The following MUC12 variants were observed in gnomAD, a reference collection of about 807,000 sequenced individuals.
The protein encoded by MUC12 is mucin 12, cell surface associated.
A neutral mutation model predicts 230.8 loss-of-function variants in MUC12; 172 were observed. The ratio of observed to expected loss-of-function variants is 0.75; its 90% CI spans 0.66 to 0.85. The LOEUF (loss-of-function observed/expected upper bound fraction) is 0.85, where lower values mean the gene tolerates loss of function less well. Ranked by LOEUF, MUC12 falls within the 40% of genes least tolerant of loss-of-function variation. MUC12 has a pLI of 0.00. For synonymous variants in MUC12, 1,259 were observed against 2,401.9 expected, an observed-to-expected ratio of 0.52 and a Z score of 13.91; for missense variants, 3,506 against 5,920.6, an observed-to-expected ratio of 0.59 and a Z score of 13.38.
chr7:101,013,886 T>C, intron 8 of MUC12, 27 bp from the exon 9 acceptor site: 4 of 1,518,746 alleles, frequency 2.6e-6, no homozygotes, highest in Non-Finnish European at 3.5e-6. Context: ...TCCCAGGGGA[T>C]CAGCGTGAGC....
chr7:101,006,632 A>G, intron 3 of MUC12, 60 bp downstream of exon 3: 2 of 1,192,264 alleles, frequency 1.7e-6, no homozygotes, highest in South Asian at 1.3e-5. Flanking sequence ...TGAAAACAGC[A>G]TGGCAGTGTT....
At position 100,995,848 on chromosome 7, in the gene MUC12, C is replaced by T. The variant is rs1793472672; in HGVS notation, c.5285C>T (p.Thr1762Ile). 3.4e-6 allele frequency: 5 copies of T among 1,458,824 alleles called. No homozygotes were observed. The East Asian group carries it at 1.0e-4, about 29-fold the overall frequency. The allele number at this position is 1,458,824 out of a possible 1,614,324, so 90.4% of individuals were successfully genotyped here. The change falls in exon 2 of 12, where the codon ACC (threonine) becomes ATC (isoleucine). Residue 1762 changes from threonine (T) to isoleucine (I), a missense_variant. Physicochemically the swap from Thr to Ile is moderately conservative, Grantham distance 89 (BLOSUM62 -1). Transcript: ENST00000536621. ...ACACCCTCGCCTGCCCGCTCCACAA[C>T]CTCAGGCCTCGTTGAAGAATCTACG... is the stretch of plus-strand genomic sequence containing the variant. Reference protein sequence around the residue: ...ATTPSPARSTTSGLVEESTAY... With the variant: ...ATTPSPARSTISGLVEESTAY...
At chr7:100,975,345 G>A in intron 1 of MUC12, among the ~76,000 whole-genome samples, 1 of 152,310 alleles carries the variant, frequency 6.6e-6, no homozygotes, top group Non-Finnish European at 1.5e-5. Flanking sequence ...CTTTAGCTTA[G>A]AAAGGTGAAG....
Position 101,004,947 on chromosome 7 carries a change from C to A in MUC12, c.14384C>A (p.Thr4795Lys). 6.5e-7 allele frequency: 1 copy of A among 1,537,886 alleles called. No homozygotes were observed. Among genetic ancestry groups the A allele is most frequent in the Non-Finnish European group, 8.7e-7 (1 of 1,147,058 alleles). Reference sequence around the variant, plus strand: ...ACCTCAGGCCTCAGTCAGGAATCAACAACTTTCCACAGTAAGCCAGGCTCA... The same window carrying A: ...ACCTCAGGCCTCAGTCAGGAATCAAAAACTTTCCACAGTAAGCCAGGCTCA... ...TTTSGLSQESTTFHSKPGSTE... is the reference protein window; with the variant it reads ...TTTSGLSQESKTFHSKPGSTE... Residue 4795 changes from threonine to lysine, a missense_variant, in exon 2 of 12, where the codon ACA (threonine) becomes AAA (lysine). By Grantham distance (78) the Thr-to-Lys change is moderately conservative. Transcript: ENST00000536621.
At position 100,992,248 on chromosome 7, in the gene MUC12, C is replaced by T. The variant is rs754267146; in HGVS notation, c.1685C>T (p.Thr562Ile). 15 of 1,537,160 alleles carry T rather than the reference C, an allele frequency of 9.8e-6. No homozygotes were observed. In the South Asian group the frequency reaches 1.8e-4, roughly 18 times the overall value. ...AGCAGCCCAGGCCCCACAGACACAA[C>T]ATTGTCCCCTGGCAGTACCACAGCA... ...SHSSPGPTDT[T>I]LSPGSTTASS... Residue 562 changes from threonine to isoleucine, a missense_variant, in exon 2 of 12, where the codon ACA becomes ATA. Thr to Ile is a moderately conservative substitution (Grantham distance 89). Transcript: ENST00000536621.
In MUC12 at chr7:100,999,251, G is replaced by A. The variant is rs146028281; in HGVS notation, c.8688G>A (p.Ala2896=). The part of the protein sequence containing the change: ...HSQPGSTHTT[A]FPDSTTTSGL... Reference sequence around the variant, plus strand: ...AACCAGGCTCAACGCACACAACAGCGTTCCCTGACAGCACCACCACCTCAG... The same window carrying A: ...AACCAGGCTCAACGCACACAACAGCATTCCCTGACAGCACCACCACCTCAG... Residue 2896 remains alanine, a synonymous_variant, in exon 2 of 12, where the codon GCG becomes GCA. Transcript: ENST00000536621. 68,279 of 1,459,158 alleles carry A rather than the reference G, an allele frequency of 0.047. 22 individuals are homozygous for A. Among genetic ancestry groups the A allele is most frequent in the Admixed American group, 0.16 (7,044 of 44,728 alleles). 90.4% of individuals were successfully genotyped at this position (1,459,158 alleles called of 1,614,324 possible). A position where few individuals can be genotyped will look rare whatever the true frequency, so the allele number is the denominator to read the frequency against.
At chr7:101,012,567 G>A in intron 6 of MUC12, 120 bp downstream of exon 6, 2 of 1,232,528 alleles carry the variant, frequency 1.6e-6, no homozygotes, top group Non-Finnish European at 2.2e-6. Flanking sequence ...CAGGAACCCA[G>A]AAGCCAGGCC....
chr7:100,990,966 G>C lies in MUC12; in HGVS notation c.403G>C (p.Glu135Gln), dbSNP rs1236809116. ...CAGTACCACAACAGCAGGCCTGAGT[G>C]AGAAATCTACCACCTTCTACAGTAG... The part of the protein sequence containing the change: ...PGSTTTAGLS[E>Q]KSTTFYSSPR... The change falls in exon 2 of 12, where the codon GAG becomes CAG. Residue 135 changes from glutamate (E) to glutamine (Q), a missense_variant. Glu to Gln is a conservative substitution (Grantham distance 29, BLOSUM62 2). Coordinates refer to ENST00000536621, the MANE Select transcript of MUC12 (RefSeq NM_001164462.2). 9 of 1,537,878 alleles carry C rather than the reference G, an allele frequency of 5.9e-6. No individual in the cohort carries two copies. In the Admixed American group the frequency reaches 1.8e-4, roughly 30 times the overall value.
rs186434738 is a variant in MUC12, at chr7:100,994,116, G to A, written c.3553G>A (p.Glu1185Lys). 1,926 of 1,028,064 alleles carry A rather than the reference G, an allele frequency of 1.9e-3. 596 individuals carry two copies. In the African/African-American group the frequency reaches 0.036, roughly 19 times the overall value. 63.7% of individuals were successfully genotyped at this position (1,028,064 alleles called of 1,614,324 possible). A position where few individuals can be genotyped will look rare whatever the true frequency, so the allele number is the denominator to read the frequency against. The change falls in exon 2 of 12, where the codon GAG becomes AAG. Residue 1185 changes from glutamate to lysine, a missense_variant. Glu to Lys is a moderately conservative substitution (Grantham distance 56, BLOSUM62 1). Coordinates refer to ENST00000536621, the MANE Select transcript of MUC12 (RefSeq NM_001164462.2). ...HSTTTSVHGE[E>K]PTTFHSRPAS... The stretch of plus-strand genomic sequence containing the variant: ...CACCACAACCTCAGTTCATGGTGAA[G>A]AGCCTACAACCTTCCACAGCCGGCC...
Position 100,991,688 on chromosome 7 carries a change from A to G in MUC12, c.1125A>G (p.Glu375=). The G allele has an allele frequency of 6.5e-7, 1 of 1,537,706 alleles. No homozygotes were observed. Among genetic ancestry groups the G allele is most frequent in the South Asian group, 1.2e-5 (1 of 84,038 alleles). Residue 375 remains glutamate, a synonymous_variant, in exon 2 of 12, where the codon GAA becomes GAG. Transcript: ENST00000536621. ...PGSTQTMHFP[E]SSTTSGHSEE... ...CAACTCAAACAATGCACTTCCCTGA[A>G]AGCTCCACAACTTCAGGCCATAGTG... is the stretch of plus-strand genomic sequence containing the variant.
chr7:100,969,828 G>A, intron 1 of MUC12, 139 bp downstream of exon 1: 2 of 1,245,276 alleles, frequency 1.6e-6, no homozygotes, highest in Admixed American at 4.2e-5. Context: ...GGAGACCCGT[G>A]CTGTGACCTC....
Position 100,991,605 on chromosome 7 carries a change from C to A in MUC12, c.1042C>A (p.Arg348Ser), listed in dbSNP as rs182230578. Residue 348 changes from arginine to serine, a missense_variant, in exon 2 of 12, where the codon CGC (arginine) becomes AGC (serine). By Grantham distance (110) the Arg-to-Ser change is moderately radical (BLOSUM62 -1). Transcript: ENST00000536621. Reference sequence around the variant, plus strand: ...AACTGCAACAACACCCCCACCTGCCCGCTCCGCGACCTCAGGCCATGTTGA... The same window carrying A: ...AACTGCAACAACACCCCCACCTGCCAGCTCCGCGACCTCAGGCCATGTTGA... ...VATATTPPPA[R>S]SATSGHVEES... 5.2e-6 allele frequency: 8 copies of A among 1,536,620 alleles called. No individual in the cohort carries two copies. The East Asian group carries it at 1.5e-4, about 28-fold the overall frequency.
intron 6 of MUC12, 87 bp from the exon 7 acceptor site, chr7:101,012,732 T>C: frequency 1.4e-6 from 2 of 1,399,324 alleles, no homozygotes; most frequent in Middle Eastern, 1.7e-4. Flanking sequence ...GGGGAGGGCA[T>C]GGTATAGAAG....
chr7:101,015,841 C>A, intron 10 of MUC12, 150 bp downstream of exon 10: 1 of 678,754 alleles, frequency 1.5e-6, no homozygotes, highest in Non-Finnish European at 2.5e-6. Flanking sequence ...GCTGCAGCCC[C>A]GGACCCAGAC....
rs747071631 is a variant in MUC12, at chr7:100,995,594, C to T, written c.5031C>T (p.Ala1677=). The T allele has an allele frequency of 5.5e-5, 85 of 1,536,822 alleles. No homozygotes were observed. Among genetic ancestry groups the T allele is most frequent in the South Asian group, 3.5e-4 (29 of 84,052 alleles). The change falls in exon 2 of 12, where the codon GCC becomes GCT. Residue 1677 remains alanine, a synonymous_variant. Transcript: ENST00000536621. ...TGSPHTTLSP[A]GSTTRQGEST... Reference sequence around the variant, plus strand: ...CGCCACACACAACACTGTCCCCTGCCGGCTCTACAACACGTCAGGGAGAAT... The same window carrying T: ...CGCCACACACAACACTGTCCCCTGCTGGCTCTACAACACGTCAGGGAGAAT...
Position 100,991,334 on chromosome 7 carries a change from A to T in MUC12, c.771A>T (p.Gly257=), listed in dbSNP as rs1390977930. 1 of 1,537,584 alleles carries T rather than the reference A, an allele frequency of 6.5e-7. No homozygotes were observed. Among genetic ancestry groups the T allele is most frequent in the Non-Finnish European group, 8.7e-7 (1 of 1,146,988 alleles). The part of the protein sequence containing the change: ...EASTPVHSST[G]SPHTTLSPSS... ...CTACGCCCGTCCACAGCAGCACTGG[A>T]TCGCCACACACAACACTGTCCCCTT... The change falls in exon 2 of 12, where the codon GGA becomes GGT. Residue 257 remains glycine, a synonymous_variant. Transcript: ENST00000536621.
At chr7:101,006,160 T>A (rs555051799) in intron 2 of MUC12, among the ~76,000 whole-genome samples, 6 of 152,306 alleles carry the variant, frequency 3.9e-5, no homozygotes, top group Middle Eastern at 3.4e-3. Flanking sequence ...TTGTTTCACA[T>A]TTCCAACTCT....
At position 100,991,791 on chromosome 7, in the gene MUC12, AC is replaced by A. The variant is rs1295733221; in HGVS notation, c.1229del (p.Thr410LysfsTer103). On this transcript the variant is annotated frameshift_variant, in exon 2 of 12. Coordinates refer to ENST00000536621, the MANE Select transcript of MUC12 (RefSeq NM_001164462.2). LOFTEE classifies it high-confidence loss of function. ...TPSTTAALAH[T>X]SYHSSLGSTE... ...TAGCACCACAGCTGCCCTAGCACAT[AC>A]AAGCTACCACAGCAGCCTGGGCTCA... The A allele has an allele frequency of 6.5e-7, 1 of 1,537,942 alleles. No individual in the cohort carries two copies. The highest frequency in any genetic ancestry group is 2.0e-5 in the Admixed American group (1 of 51,010).
At chr7:101,009,283 G>C in intron 5 of MUC12, 124 bp downstream of exon 5, 3 of 942,498 alleles carry the variant, frequency 3.2e-6, no homozygotes, top group Non-Finnish European at 4.9e-6. Context: ...TCCTGCAGCC[G>C]CTAGGGAACA....
Sources: allele counts gnomAD v4.1 joint callset (sites outside exome capture counted in the v4.1 genomes callset), GRCh38; gene constraint gnomAD v4.1.1; transcripts MANE v1.5; gene names NCBI Gene and HGNC (gene_info 2026-07-23, HGNC 2026-07-21).